PDLIM5: variants seen among roughly 807,000 people sequenced by gnomAD.
The protein encoded by PDLIM5 is PDZ and LIM domain protein 5.
A neutral mutation model predicts 64.2 loss-of-function variants in PDLIM5; 34 were observed. The ratio of observed to expected loss-of-function variants is 0.53; its 90% confidence interval spans 0.40 to 0.71. PDLIM5 has a LOEUF of 0.71. Among genes scored for constraint, PDLIM5 ranks in the 30% least tolerant of loss-of-function variants. The pLI is 0.00. For synonymous variants in PDLIM5, 253 were observed against 269.1 expected (o/e 0.94, Z 0.59); for missense variants, 683 against 733.6 (o/e 0.93, Z 0.80).
chr4:94,461,908 A>C (rs1420455466), intron 2 of PDLIM5, among the ~76,000 whole-genome samples: 2 of 152,222 alleles, frequency 1.3e-5, no homozygotes, highest in African/African-American at 4.8e-5. Context: ...CGTGTCACCC[A>C]GGCGGGAGTG....
chr4:94,623,557 G>A (rs1175733741), intron 8 of PDLIM5, among the ~76,000 whole-genome samples: 2 of 152,034 alleles, frequency 1.3e-5, no homozygotes. Flanking sequence ...TGTTTACATA[G>A]GTGTCTTTTA....
chr4:94,648,879 A>G (rs545696908), intron 9 of PDLIM5, among the ~76,000 whole-genome samples: 133 of 152,184 alleles, frequency 8.7e-4, no homozygotes, highest in Non-Finnish European at 1.5e-3. Context: ...AACTTCTTTT[A>G]AGGGTTTACC....
intron 1 of PDLIM5, among the ~76,000 whole-genome samples, chr4:94,452,644 CTG>C (rs1722960041): frequency 6.6e-6 from 1 of 152,192 alleles, no homozygotes; most frequent in Non-Finnish European, 1.5e-5. Flanking sequence ...TTTTGTAAGA[CTG>C]TGCCTTCGGT....
chr4:94,619,369 G>A (rs1739039574), intron 8 of PDLIM5, among the ~76,000 whole-genome samples: 1 of 139,826 alleles, frequency 7.2e-6, no homozygotes. Context: ...TTTTTTCCAC[G>A]GTGGCTCACG....
chr4:94,575,285 T>C (rs916053360), intron 4 of PDLIM5, among the ~76,000 whole-genome samples: 1 of 152,220 alleles, frequency 6.6e-6, no homozygotes, highest in Non-Finnish European at 1.5e-5. Flanking sequence ...TTAAACATTT[T>C]TCCTTTGGAA....
chr4:94,530,898 T>A (rs1479468608), intron 3 of PDLIM5, among the ~76,000 whole-genome samples: 1 of 152,194 alleles, frequency 6.6e-6, no homozygotes, highest in Non-Finnish European at 1.5e-5. Flanking sequence ...TTTAATGGGT[T>A]GTTTAATATC....
chr4:94,621,458 A>G (rs1450622123), intron 8 of PDLIM5, among the ~76,000 whole-genome samples: 1 of 152,166 alleles, frequency 6.6e-6, no homozygotes, highest in African/African-American at 2.4e-5. Context: ...TGCTATTGGT[A>G]TGGTAATTGG....
intron 1 of PDLIM5, among the ~76,000 whole-genome samples, chr4:94,452,432 A>G (rs977016454): frequency 2.0e-5 from 3 of 152,230 alleles, no homozygotes; most frequent in Admixed American, 6.5e-5. Context: ...CTTGGAGGGT[A>G]GGAAGCGGGA....
chr4:94,555,147 G>A (rs975670273), intron 3 of PDLIM5, among the ~76,000 whole-genome samples: 93 of 152,180 alleles, frequency 6.1e-4, no homozygotes, highest in African/African-American at 1.2e-3. Flanking sequence ...TCCGCCTCCC[G>A]GGTTCAAGTG....
chr4:94,564,124 T>C (rs1734083388), intron 3 of PDLIM5, among the ~76,000 whole-genome samples: 4 of 151,748 alleles, frequency 2.6e-5, no homozygotes, highest in Admixed American at 2.0e-4. Flanking sequence ...CCACCACACC[T>C]GGCTAATTTT....
At chr4:94,574,292 G>A (rs1261376681) in intron 4 of PDLIM5, among the ~76,000 whole-genome samples, 1 of 152,132 alleles carries the variant, frequency 6.6e-6, no homozygotes, top group Non-Finnish European at 1.5e-5. Context: ...GAGGTCAGAA[G>A]TTTGAGACCA....
intron 8 of PDLIM5, among the ~76,000 whole-genome samples, chr4:94,629,273 T>G (rs1177097990): frequency 6.6e-6 from 1 of 151,658 alleles, no homozygotes; most frequent in East Asian, 1.9e-4. Flanking sequence ...TGCTTGAACC[T>G]GGGGGGCGGA....
At chr4:94,529,901 C>G (rs1051470689) in intron 3 of PDLIM5, among the ~76,000 whole-genome samples, 33 of 151,940 alleles carry the variant, frequency 2.2e-4, no homozygotes, top group African/African-American at 8.0e-4. Context: ...ATGTGTTTGC[C>G]TATGATTTTG....
At chr4:94,653,175 A>T (rs534224769) in intron 9 of PDLIM5, among the ~76,000 whole-genome samples, 1 of 152,230 alleles carries the variant, frequency 6.6e-6, no homozygotes, top group South Asian at 2.1e-4. Flanking sequence ...TCAGTTGACT[A>T]GAGCGGCATA....
At chr4:94,659,540 ATTG>A (rs1291700024) in intron 11 of PDLIM5, among the ~76,000 whole-genome samples, 1 of 105,602 alleles carries the variant, frequency 9.5e-6, no homozygotes, top group African/African-American at 3.7e-5. Flanking sequence ...GTGTGTGTGT[ATTG>A]TTTAGACGGA....
chr4:94,503,441 C>T (rs1728107784), intron 2 of PDLIM5, among the ~76,000 whole-genome samples: 1 of 152,098 alleles, frequency 6.6e-6, no homozygotes, highest in Admixed American at 6.5e-5. Flanking sequence ...CTGACTTTTC[C>T]TAAATAATAC....
chr4:94,521,417 A>G (rs1358695145), intron 2 of PDLIM5, among the ~76,000 whole-genome samples: 1 of 152,094 alleles, frequency 6.6e-6, no homozygotes, highest in Non-Finnish European at 1.5e-5. Context: ...AAGGATGGAC[A>G]GATCACATTT....
rs142290311 is a variant in PDLIM5, at chr4:94,463,533, C to A, written c.96+8149C>A. Among the ~76,000 whole-genome samples, 824 of 152,158 alleles carry A rather than the reference C, an allele frequency of 5.4e-3. 11 individuals are homozygous for A. The highest frequency in any genetic ancestry group is 0.019 in the African/African-American group (787 of 41,504). ...AAGGACTTCATTCTTGTCATCTTCACTTTGAGTAGGCTGAGAAAGAGGAGG... is the reference window on the plus strand; with the variant it reads ...AAGGACTTCATTCTTGTCATCTTCAATTTGAGTAGGCTGAGAAAGAGGAGG... On this transcript the variant is annotated intron_variant, in intron 2 of 12. Coordinates refer to ENST00000317968, the MANE Select transcript of PDLIM5 (RefSeq NM_006457.5).
intron 3 of PDLIM5, among the ~76,000 whole-genome samples, chr4:94,570,307 G>A (rs992429317): frequency 3.9e-5 from 6 of 152,050 alleles, no homozygotes; most frequent in Non-Finnish European, 7.4e-5. Flanking sequence ...TCTTCAAAAA[G>A]CCTGACCAGC....
Sources: allele counts gnomAD v4.1 joint callset (sites outside exome capture counted in the v4.1 genomes callset), GRCh38; gene constraint gnomAD v4.1.1; transcripts MANE v1.5; gene names NCBI Gene and HGNC (gene_info 2026-07-23, HGNC 2026-07-21).